ZFP64: variants seen among roughly 807,000 people sequenced by gnomAD.
ZFP64 encodes zinc finger protein 64.
A neutral mutation model predicts 51.6 loss-of-function variants in ZFP64; 14 were observed. That is an observed-to-expected ratio of 0.27 (90% CI 0.18 to 0.42). The LOEUF is 0.42. Among genes scored for constraint, ZFP64 ranks in the 10% least tolerant of loss-of-function variants. The pLI is 1.00. For synonymous variants in ZFP64, 375 were observed against 361.4 expected (o/e 1.04, Z -0.43); for missense variants, 754 against 906.8 (o/e 0.83, Z 2.16).
rs3035409 is a variant in ZFP64, at chr20:52,099,319, C to CTTT, written c.764-735_764-733dup. On this transcript the variant is annotated intron_variant, in intron 5 of 8. Transcript: ENST00000361387. The stretch of plus-strand genomic sequence containing the variant: ...AGCTGGATGCCATGGCAATGTCAAA[C>CTTT]TTTTTTTTTTTTTTTTAAGATGCTT... Among the ~76,000 whole-genome samples, 233 of 150,028 alleles carry CTTT rather than the reference C, an allele frequency of 1.6e-3. 1 individual carries two copies. The highest frequency in any genetic ancestry group is 5.4e-3 in the African/African-American group (221 of 40,982).
intron 6 of ZFP64, among the ~76,000 whole-genome samples, chr20:52,097,981 T>C (rs1407904061): frequency 6.6e-6 from 1 of 151,766 alleles, no homozygotes; most frequent in Non-Finnish European, 1.5e-5. Context: ...TGAGGGAAGA[T>C]CACATGCACC....
chr20:52,110,543 C>A, intron 5 of ZFP64: 1 of 724,864 alleles, frequency 1.4e-6, no homozygotes, highest in South Asian at 1.5e-5. Context: ...CAGTTCTTCT[C>A]AGTCTCCTTC....
At chr20:52,097,323 A>G (rs1192785492) in intron 7 of ZFP64, 13 of 1,584,130 alleles carry the variant, frequency 8.2e-6, no homozygotes, top group African/African-American at 2.7e-5. Flanking sequence ...CTTAATTCAC[A>G]TTCACGTCCC....
At chr20:52,098,406 A>G in intron 6 of ZFP64, 1 of 1,611,148 alleles carries the variant, frequency 6.2e-7, no homozygotes, top group Non-Finnish European at 8.5e-7. Context: ...CTTGGCTCAG[A>G]AGCGGCTCAG....
exon 9 of ZFP64, chr20:52,084,413 C>T (rs41274698): frequency 0.042 from 31,810 of 752,832 alleles, 808 homozygotes; most frequent in South Asian, 0.07. Context: ...GTCGCCCAGC[C>T]ATCGCCTCTG....
intron 5 of ZFP64, among the ~76,000 whole-genome samples, chr20:52,154,168 A>G (rs1350589071): frequency 6.6e-6 from 1 of 152,222 alleles, no homozygotes; most frequent in Non-Finnish European, 1.5e-5. Flanking sequence ...ATGACAATTC[A>G]AGCAAATTGG....
At chr20:52,099,307 G>A (rs1408846124) in intron 5 of ZFP64, among the ~76,000 whole-genome samples, 1 of 111,802 alleles carries the variant, frequency 8.9e-6, no homozygotes, top group Non-Finnish European at 1.8e-5. Flanking sequence ...TGGATGCCAT[G>A]GCAATGTCAA....
At position 52,151,912 on chromosome 20, in the gene ZFP64, C is replaced by T; in HGVS notation, c.*234G>A. On this transcript the variant is annotated 3_prime_UTR_variant, in exon 6 of 6. Transcript: ENST00000216923. ...ATTAGCCAGTCATGATGTCGTACAC[C>T]TGTGGTCCCAGCTACTCGGAGGGCT... 2.8e-6 allele frequency: 3 copies of T among 1,075,156 alleles called. No homozygotes were observed. Among genetic ancestry groups the T allele is most frequent in the Non-Finnish European group, 3.8e-6 (3 of 799,034 alleles). The allele number at this position is 1,075,156 out of a possible 1,614,324, so 66.6% of individuals were successfully genotyped here. A position where few individuals can be genotyped will look rare whatever the true frequency, so the allele number is the denominator to read the frequency against.
At chr20:52,088,587 G>T in exon 8 of ZFP64, 1 of 1,614,202 alleles carries the variant, frequency 6.2e-7, no homozygotes, top group Non-Finnish European at 8.5e-7. Flanking sequence ...TGCATGGTCA[G>T]GTTGTCCTTC....
At chr20:52,125,675 G>A (rs1057228695) in intron 5 of ZFP64, among the ~76,000 whole-genome samples, 4 of 152,070 alleles carry the variant, frequency 2.6e-5, no homozygotes, top group Admixed American at 2.0e-4. Context: ...CATGTGCGGT[G>A]GGTCACTATC....
At chr20:52,166,458 C>CTT (rs1050995200) in intron 2 of ZFP64, among the ~76,000 whole-genome samples, 2 of 145,598 alleles carry the variant, frequency 1.4e-5, no homozygotes, top group Non-Finnish European at 3.0e-5. Context: ...ATACTTTTTT[C>CTT]TTTTTTTTTT....
chr20:52,127,096 C>T (rs1034802248), intron 5 of ZFP64, among the ~76,000 whole-genome samples: 3 of 151,894 alleles, frequency 2.0e-5, no homozygotes, highest in African/African-American at 4.8e-5. Context: ...GGACTACAGG[C>T]GTGCGCCACC....
At chr20:52,089,383 T>C (rs1337486438) in intron 7 of ZFP64, among the ~76,000 whole-genome samples, 1 of 152,194 alleles carries the variant, frequency 6.6e-6, no homozygotes, top group Non-Finnish European at 1.5e-5. Context: ...GGGTGTCGAA[T>C]GACAGCTATT....
Position 52,191,494 on chromosome 20 carries a change from C to A in ZFP64, c.46+97G>T. ...CGAGCCGTCACCCCGATTTCGGGGC[C>A]CCGGGCCTGCTGGCTGCGTCGCAGA... On this transcript the variant is annotated intron_variant, in intron 1 of 5. Transcript: ENST00000216923. This position sits in a 1 kb window ranked among gnomAD's most constrained non-coding sequence, Gnocchi z 4.3. The A allele has an allele frequency of 7.3e-7, 1 of 1,368,308 alleles. No homozygotes were observed. The highest frequency in any genetic ancestry group is 9.5e-7 in the Non-Finnish European group (1 of 1,058,122). 84.8% of individuals were successfully genotyped at this position (1,368,308 alleles called of 1,614,324 possible).
intron 5 of ZFP64, among the ~76,000 whole-genome samples, chr20:52,108,801 G>A (rs534764698): frequency 1.3e-4 from 19 of 151,650 alleles, no homozygotes; most frequent in Admixed American, 5.9e-4. Flanking sequence ...GAGCCACTGC[G>A]CCCGGCCATC....
intron 5 of ZFP64, among the ~76,000 whole-genome samples, chr20:52,127,251 A>C (rs1011741857): frequency 2.1e-4 from 32 of 151,132 alleles, no homozygotes; most frequent in Admixed American, 2.0e-3. Flanking sequence ...CGCCTGGCCC[A>C]GAATTTTTTT....
Position 52,098,485 on chromosome 20 carries a change from T to C in ZFP64, c.866A>G (p.Glu289Gly), listed in dbSNP as rs1280174610. Residue 289 changes from glutamate (E) to glycine (G), a missense_variant, in exon 6 of 9, where the codon GAA becomes GGA. Glu to Gly is a moderately conservative substitution (Grantham distance 98). Transcript: ENST00000361387. ...CCTCTCTCCAAGGGTGGCCATTTGTTCCCTTGCCTCTGAGGGAAGAGTGAT... is the reference window on the plus strand; with the variant it reads ...CCTCTCTCCAAGGGTGGCCATTTGTCCCCTTGCCTCTGAGGGAAGAGTGAT... The C allele has an allele frequency of 1.3e-5, 21 of 1,614,032 alleles. No individual in the cohort carries two copies. Among genetic ancestry groups the C allele is most frequent in the Non-Finnish European group, 1.8e-5 (21 of 1,180,028 alleles).
intron 5 of ZFP64, among the ~76,000 whole-genome samples, chr20:52,109,179 C>T (rs890023864): frequency 1.3e-4 from 20 of 151,126 alleles, no homozygotes; most frequent in African/African-American, 4.9e-4. Context: ...GAGACGGAGT[C>T]TCACTTTGTC....
chr20:52,131,701 G>A (rs1178750998), intron 5 of ZFP64, among the ~76,000 whole-genome samples: 4 of 152,112 alleles, frequency 2.6e-5, no homozygotes, highest in Non-Finnish European at 1.5e-5. Context: ...ATCCAACTCT[G>A]GAGCACCCAG....
Sources: allele counts gnomAD v4.1 joint callset (sites outside exome capture counted in the v4.1 genomes callset), GRCh38; gene constraint gnomAD v4.1.1; non-coding constraint Gnocchi (gnomAD v3.1); transcripts MANE v1.5; gene names NCBI Gene and HGNC (gene_info 2026-07-23, HGNC 2026-07-21).